The following PXK variants were observed in gnomAD, a reference collection of about 807,000 sequenced individuals.
PXK encodes PX domain-containing protein kinase-like protein.
A neutral mutation model predicts 84.7 loss-of-function variants in PXK; 35 were observed. That is an observed-to-expected ratio of 0.41 (90% CI 0.32 to 0.55). The LOEUF (loss-of-function observed/expected upper bound fraction) is 0.55, where lower values mean the gene tolerates loss of function less well. Among genes scored for constraint, PXK ranks in the 20% least tolerant of loss-of-function variants. The pLI, the probability that PXK is intolerant of heterozygous loss-of-function variation, is 0.21. For missense variants in PXK, 634 were observed against 699.7 expected, an observed-to-expected ratio of 0.91 and a Z score of 1.06; for synonymous variants, 253 against 260.8, an observed-to-expected ratio of 0.97 and a Z score of 0.29.
intron 17 of PXK, chr3:58,420,596 A>T: frequency 6.5e-7 from 1 of 1,536,032 alleles, no homozygotes; most frequent in African/African-American, 1.4e-5. Context: ...GATTTCTCAG[A>T]CTTTAAAGAT....
At chr3:58,386,271 C>A (rs1226253835) in intron 4 of PXK, among the ~76,000 whole-genome samples, 2 of 146,408 alleles carry the variant, frequency 1.4e-5, no homozygotes, top group African/African-American at 5.0e-5. Context: ...GAATCTATCT[C>A]ACACATATAT....
At chr3:58,373,103 C>T (rs766232493) in intron 3 of PXK, among the ~76,000 whole-genome samples, 23 of 139,744 alleles carry the variant, frequency 1.6e-4, no homozygotes, top group Non-Finnish European at 2.6e-4. Flanking sequence ...TTTTTTGAGA[C>T]GTAGTCGCTC....
chr3:58,418,031 C>T (rs1161079668), intron 17 of PXK, among the ~76,000 whole-genome samples: 1 of 152,124 alleles, frequency 6.6e-6, no homozygotes. Context: ...GTTGCCCAGT[C>T]TAGTCTTGAG....
chr3:58,340,089 A>T (rs2097702527), intron 1 of PXK, among the ~76,000 whole-genome samples: 1 of 147,768 alleles, frequency 6.8e-6, no homozygotes, highest in African/African-American at 2.5e-5. Context: ...AAGTACTGGG[A>T]TTACAGGCCC....
In PXK at chr3:58,414,714, C is replaced by T. The variant is rs752444693; in HGVS notation, c.1528+1751C>T. On this transcript the variant is annotated intron_variant, in intron 17 of 17. Transcript: ENST00000356151. This position sits in a 1 kb window ranked among gnomAD's most constrained non-coding sequence, Gnocchi z 4.5. ...CCTGGCAGAGATGAGAGGTTCCCAG[C>T]AAATATTGGCTCCTCCTTTCTTTTA... Among the ~76,000 whole-genome samples, 10 of 152,166 alleles carry T rather than the reference C, an allele frequency of 6.6e-5. No homozygotes were observed. The highest frequency in any genetic ancestry group is 1.3e-4 in the Non-Finnish European group (9 of 68,034).
Position 58,365,937 on chromosome 3 carries a change from T to C in PXK, c.153+13T>C. 1 of 1,549,898 alleles carries C rather than the reference T, an allele frequency of 6.5e-7. No individual in the cohort carries two copies. The highest frequency in any genetic ancestry group is 8.7e-7 in the Non-Finnish European group (1 of 1,146,626). ...AAACAGCTGGCAGGTAAGCATCTTT[T>C]TTTTTTTTTTTGTCAATTAGAAAAA... On this transcript the variant is annotated intron_variant, in intron 2 of 17. Transcript: ENST00000356151.
At chr3:58,376,337 C>T (rs1006458740) in intron 3 of PXK, among the ~76,000 whole-genome samples, 2 of 152,138 alleles carry the variant, frequency 1.3e-5, no homozygotes, top group Admixed American at 1.3e-4. Flanking sequence ...ATTACTTGAA[C>T]CCAGGAGGCG....
intron 1 of PXK, among the ~76,000 whole-genome samples, chr3:58,342,647 AAAAAG>A (rs1553743387): frequency 1.4e-5 from 2 of 138,748 alleles, no homozygotes; most frequent in Non-Finnish European, 3.0e-5. Context: ...AAAAAAAAAA[AAAAAG>A]AAAAGAAAAA....
Position 58,416,501 on chromosome 3 carries a change from C to T in PXK, c.1528+3538C>T, listed in dbSNP as rs1299248504. On this transcript the variant is annotated intron_variant, in intron 17 of 17. Coordinates refer to ENST00000356151, the MANE Select transcript of PXK (RefSeq NM_017771.5). The surrounding 1 kb of genome is among the most constrained non-coding windows in gnomAD (Gnocchi z 4.8). ...CTGCTTGGCCTCTCTGTACAGCTTT[C>T]CTTCTTCTAGGGTATGGGGCGTGTG... is the stretch of plus-strand genomic sequence containing the variant. 3.3e-5 allele frequency among the ~76,000 whole-genome samples: 5 copies of T among 152,190 alleles called. No individual in the cohort carries two copies. The highest frequency in any genetic ancestry group is 6.5e-5 in the Admixed American group (1 of 15,284).
chr3:58,385,139 C>T lies in PXK; in HGVS notation c.388+2439C>T, dbSNP rs908468087. Among the ~76,000 whole-genome samples, 5 of 152,202 alleles carry T rather than the reference C, an allele frequency of 3.3e-5. No individual in the cohort carries two copies. Among genetic ancestry groups the T allele is most frequent in the African/African-American group, 1.2e-4 (5 of 41,452 alleles). Reference sequence around the variant, plus strand: ...GATCTCTACTCCCCCTCCCCACCCCCAGGCCTCCAGCATGGTAGAGAGTCA... The same window carrying T: ...GATCTCTACTCCCCCTCCCCACCCCTAGGCCTCCAGCATGGTAGAGAGTCA... On this transcript the variant is annotated intron_variant, in intron 4 of 17. Coordinates refer to ENST00000356151, the MANE Select transcript of PXK (RefSeq NM_017771.5). This position sits in a 1 kb window ranked among gnomAD's most constrained non-coding sequence, Gnocchi z 5.1.
Position 58,397,506 on chromosome 3 carries a change from T to C in PXK, c.985-99T>C. 1 of 1,036,308 alleles carries C rather than the reference T, an allele frequency of 9.6e-7. No individual in the cohort carries two copies. Among genetic ancestry groups the C allele is most frequent in the Admixed American group, 1.7e-5 (1 of 57,774 alleles). 64.2% of individuals were successfully genotyped at this position (1,036,308 alleles called of 1,614,324 possible). A position where few individuals can be genotyped will look rare whatever the true frequency, so the allele number is the denominator to read the frequency against. ...ACGTTACCAATTAGGAACGGGGCTA[T>C]CCCTGGGCTTTGTTTCTCAGAGAAG... On this transcript the variant is annotated intron_variant, in intron 10 of 17. Transcript: ENST00000356151. This position sits in a 1 kb window ranked among gnomAD's most constrained non-coding sequence, Gnocchi z 4.7.
At chr3:58,415,582 T>C (rs917099877) in intron 17 of PXK, among the ~76,000 whole-genome samples, 3 of 152,260 alleles carry the variant, frequency 2.0e-5, no homozygotes, top group African/African-American at 7.2e-5. Flanking sequence ...CTCTTGGGCC[T>C]TTTATGGAGA....
intron 9 of PXK, among the ~76,000 whole-genome samples, chr3:58,396,265 A>G (rs1576523689): frequency 6.6e-6 from 1 of 152,148 alleles, no homozygotes; most frequent in African/African-American, 2.4e-5. Flanking sequence ...GCACATACAT[A>G]TATGTGTATG....
At chr3:58,339,918 G>T (rs2097698364) in intron 1 of PXK, among the ~76,000 whole-genome samples, 1 of 151,884 alleles carries the variant, frequency 6.6e-6, no homozygotes, top group South Asian at 2.1e-4. Context: ...GGATTCAAGC[G>T]ATTCTCCTGC....
chr3:58,333,351 CAG>C lies in PXK; in HGVS notation c.102+262_102+263del, dbSNP rs2097529862. 3.3e-6 allele frequency: 1 copy of C among 299,976 alleles called. No homozygotes were observed. Among genetic ancestry groups the C allele is most frequent in the South Asian group, 2.7e-5 (1 of 36,936 alleles). 18.6% of individuals were successfully genotyped at this position (299,976 alleles called of 1,614,324 possible). On this transcript the variant is annotated intron_variant, in intron 1 of 17. Transcript: ENST00000356151. The surrounding 1 kb of genome is among the most constrained non-coding windows in gnomAD (Gnocchi z 5.4). ...GGGGTGGAAGGAGCTCGGCGGCGACCAGGAAAGCGACTCCGAGTTGGGGGGCG... is the reference window on the plus strand; with the variant it reads ...GGGGTGGAAGGAGCTCGGCGGCGACCGAAAGCGACTCCGAGTTGGGGGGCG...
rs532103554 is a variant in PXK, at chr3:58,419,226, C to A, written c.1529-5526C>A. Among the ~76,000 whole-genome samples the A allele has an allele frequency of 2.6e-5, 4 of 152,330 alleles. No individual in the cohort carries two copies. The South Asian group carries it at 8.3e-4, about 32-fold the overall frequency. ...CTCTCTGGAATGGGGGTCTTACAAC[C>A]TATAGTCAGACAAGGTAGGTCAGGT... On this transcript the variant is annotated intron_variant, in intron 17 of 17. Coordinates refer to ENST00000356151, the MANE Select transcript of PXK (RefSeq NM_017771.5).
intron 1 of PXK, among the ~76,000 whole-genome samples, chr3:58,338,512 A>C (rs2097665357): frequency 6.6e-6 from 1 of 151,606 alleles, no homozygotes; most frequent in Non-Finnish European, 1.5e-5. Flanking sequence ...AATCCCAGCT[A>C]CTTGGGAGGC....
intron 7 of PXK, 133 bp downstream of exon 7, chr3:58,391,980 G>A: frequency 2.6e-6 from 2 of 761,062 alleles, no homozygotes; most frequent in South Asian, 1.6e-5. Context: ...CTGAAATTGT[G>A]TAGGGCTAAT....
Position 58,394,211 on chromosome 3 carries a change from C to T in PXK, c.616-787C>T, listed in dbSNP as rs917970903. On this transcript the variant is annotated intron_variant, in intron 7 of 17. Transcript: ENST00000356151. ...CCAAAATCCCTGCATAGCTCAGCTC[C>T]CATGGGTTTAAATTTTCATGATACT... is the stretch of plus-strand genomic sequence containing the variant. Among the ~76,000 whole-genome samples the T allele has an allele frequency of 5.2e-4, 79 of 152,192 alleles. 1 individual carries two copies. Among genetic ancestry groups the T allele is most frequent in the Admixed American group, 2.2e-3 (34 of 15,274 alleles).
Sources: gnomAD v4.1 joint callset for allele counts (sites outside exome capture counted in the v4.1 genomes callset) on GRCh38, gnomAD v4.1.1 for gene constraint, Gnocchi (gnomAD v3.1) non-coding constraint, MANE v1.5 for transcripts, NCBI Gene and HGNC (gene_info 2026-07-23, HGNC 2026-07-21) for gene names.